DNM3: variants seen among roughly 807,000 people sequenced by gnomAD.
The protein encoded by DNM3 is dynamin-3.
In DNM3, 47 loss-of-function variants were observed where a neutral mutation model predicts 101.6. The observed-to-expected ratio is 0.46, with a 90% CI of 0.37 to 0.59. The LOEUF (loss-of-function observed/expected upper bound fraction) is 0.59. DNM3 is among the 20% of genes least tolerant of loss of function. The pLI, the probability that DNM3 is intolerant of heterozygous loss-of-function variation, is 0.00. For synonymous variants in DNM3, 385 were observed against 387.9 expected, an observed-to-expected ratio of 0.99 and a Z score of 0.09; for missense variants, 849 against 1,085.7, an observed-to-expected ratio of 0.78 and a Z score of 3.06.
At chr1:172,035,872 T>C (rs893808773) in intron 6 of DNM3, among the ~76,000 whole-genome samples, 3 of 152,138 alleles carry the variant, frequency 2.0e-5, no homozygotes, top group Non-Finnish European at 4.4e-5. Context: ...TTATAAACTA[T>C]TGACAAATAA....
At chr1:172,021,029 C>G (rs2421950) in intron 4 of DNM3, among the ~76,000 whole-genome samples, 41,381 of 152,122 alleles carry the variant, frequency 0.27, 6,475 homozygotes, top group East Asian at 0.45. Context: ...ATTTTGGGAA[C>G]AGCTAATTGT....
chr1:172,300,959 A>G (rs575020100), intron 15 of DNM3, among the ~76,000 whole-genome samples: 1 of 152,334 alleles, frequency 6.6e-6, no homozygotes, highest in Non-Finnish European at 1.5e-5. Flanking sequence ...TTTCACATCA[A>G]GATTCCTTGG....
intron 2 of DNM3, among the ~76,000 whole-genome samples, 193 bp downstream of exon 2, chr1:171,922,014 T>C (rs2040210135): frequency 6.6e-6 from 1 of 152,210 alleles, no homozygotes; most frequent in South Asian, 2.1e-4. Context: ...GGGGATATTT[T>C]CATAGATTTT....
chr1:171,869,296 TG>T (rs763471543), intron 1 of DNM3, among the ~76,000 whole-genome samples: 52 of 152,284 alleles, frequency 3.4e-4, no homozygotes, highest in Middle Eastern at 6.8e-3. Flanking sequence ...CCTCCCCATC[TG>T]GTGCTGCCCT....
intron 4 of DNM3, among the ~76,000 whole-genome samples, chr1:172,025,718 C>T (rs1196728706): frequency 3.3e-5 from 5 of 152,094 alleles, no homozygotes; most frequent in African/African-American, 9.7e-5. Context: ...GGGGCCTGAC[C>T]GTTAGAAGGA....
chr1:172,305,956 C>T (rs906582981), intron 15 of DNM3, among the ~76,000 whole-genome samples: 3 of 152,218 alleles, frequency 2.0e-5, no homozygotes, highest in Non-Finnish European at 2.9e-5. Context: ...GAAGCGTTCC[C>T]TTTGAAAACT....
At chr1:172,383,438 C>G (rs1327469495) in intron 18 of DNM3, among the ~76,000 whole-genome samples, 1 of 152,026 alleles carries the variant, frequency 6.6e-6, no homozygotes, top group Non-Finnish European at 1.5e-5. Context: ...TCTCAAAGAT[C>G]ACAAAATTCT....
intron 2 of DNM3, among the ~76,000 whole-genome samples, chr1:171,977,303 T>C (rs2044448289): frequency 6.6e-6 from 1 of 152,198 alleles, no homozygotes; most frequent in Non-Finnish European, 1.5e-5. Flanking sequence ...TATTTTAAAC[T>C]CAGACCATGC....
chr1:172,012,244 G>C (rs756965916), intron 4 of DNM3, among the ~76,000 whole-genome samples: 16 of 152,000 alleles, frequency 1.1e-4, no homozygotes, highest in Admixed American at 3.3e-4. Context: ...TCACCCTTAG[G>C]GACGTAGGGA....
chr1:171,919,596 C>A (rs562382259), intron 1 of DNM3, among the ~76,000 whole-genome samples: 2 of 152,062 alleles, frequency 1.3e-5, no homozygotes, highest in Non-Finnish European at 2.9e-5. Context: ...TTAACCTGTT[C>A]CTTTTTGGTT....
At chr1:172,125,795 G>A (rs2056588416) in intron 13 of DNM3, among the ~76,000 whole-genome samples, 1 of 152,116 alleles carries the variant, frequency 6.6e-6, no homozygotes, top group Non-Finnish European at 1.5e-5. Context: ...GTAAGTGGCT[G>A]TTGTAGTGGA....
At chr1:172,059,176 C>T (rs1241873283) in intron 10 of DNM3, among the ~76,000 whole-genome samples, 53 of 150,138 alleles carry the variant, frequency 3.5e-4, no homozygotes, top group African/African-American at 1.2e-3. Flanking sequence ...AGACCAATAA[C>T]AGGCTCTGAA....
At chr1:172,211,479 TG>T (rs1461072556) in intron 14 of DNM3, among the ~76,000 whole-genome samples, 1 of 152,158 alleles carries the variant, frequency 6.6e-6, no homozygotes, top group African/African-American at 2.4e-5. Flanking sequence ...AACTTCTTAA[TG>T]CATTTTGCAG....
chr1:172,159,559 A>G (rs1408337430), intron 14 of DNM3, among the ~76,000 whole-genome samples: 3 of 152,106 alleles, frequency 2.0e-5, no homozygotes, highest in African/African-American at 7.2e-5. Flanking sequence ...GAAGTAGATG[A>G]TGTGACTATC....
chr1:172,198,449 C>A (rs1289775979), intron 14 of DNM3, among the ~76,000 whole-genome samples: 1 of 151,266 alleles, frequency 6.6e-6, no homozygotes, highest in Non-Finnish European at 1.5e-5. Flanking sequence ...TGGGGAGGAG[C>A]CTCTCTCAAT....
Position 171,841,809 on chromosome 1 carries a change from C to G in DNM3, c.153C>G (p.Phe51Leu). 1 of 1,608,672 alleles carries G rather than the reference C, an allele frequency of 6.2e-7. No individual in the cohort carries two copies. Among genetic ancestry groups the G allele is most frequent in the Non-Finnish European group, 8.5e-7 (1 of 1,178,864 alleles). Residue 51 changes from phenylalanine (F) to leucine (L), a missense_variant, in exon 1 of 21, where the codon TTC becomes TTG. This residue lies in a region of DNM3 where 388 missense variants were observed against 483.0 expected (regional missense o/e 0.80). Transcript: ENST00000627582. ...GCAAGAGCTCGGTGCTCGAGAACTT[C>G]GTGGGCAGGTAAGCGCGCAGGGCGC... ...SAGKSSVLEN[F>L]VGRDFLPRGS...
At chr1:172,256,123 G>A (rs1245484715) in intron 15 of DNM3, among the ~76,000 whole-genome samples, 1 of 152,066 alleles carries the variant, frequency 6.6e-6, no homozygotes, top group Non-Finnish European at 1.5e-5. Context: ...AAGTTTGCTA[G>A]TATTTTAGCA....
At position 172,072,934 on chromosome 1, in the gene DNM3, ATAGT is replaced by A. The variant is rs543390837; in HGVS notation, c.1422+4032_1422+4035del. 1.3e-3 allele frequency among the ~76,000 whole-genome samples: 191 copies of A among 152,318 alleles called. 1 individual carries two copies. The highest frequency in any genetic ancestry group is 2.2e-3 in the Non-Finnish European group (150 of 68,036). On this transcript the variant is annotated intron_variant, in intron 11 of 20. Transcript: ENST00000627582. Reference sequence around the variant, plus strand: ...GTTAACTGTTCTTCAAGCCTGGTAGATAGTTACACAAATAAGGCCGCAAATGTTT... The same window carrying A: ...GTTAACTGTTCTTCAAGCCTGGTAGATACACAAATAAGGCCGCAAATGTTT...
At chr1:171,968,832 G>A (rs1291138896) in intron 2 of DNM3, among the ~76,000 whole-genome samples, 1 of 152,044 alleles carries the variant, frequency 6.6e-6, no homozygotes, top group Non-Finnish European at 1.5e-5. Context: ...ATTTTCTGTT[G>A]GAACAAATGA....
Sources: allele counts gnomAD v4.1 joint callset (sites outside exome capture counted in the v4.1 genomes callset), GRCh38; gene constraint gnomAD v4.1.1; regional missense constraint gnomAD v4.1.1; transcripts MANE v1.5; gene names NCBI Gene and HGNC (gene_info 2026-07-23, HGNC 2026-07-21).